Variants in MMP3 observed in about 807,000 individuals in gnomAD.
MMP3 encodes stromelysin-1.
A neutral mutation model predicts 47.3 loss-of-function variants in MMP3; 46 were observed. That is an observed-to-expected ratio of 0.97 (90% CI 0.77 to 1.24). The LOEUF (loss-of-function observed/expected upper bound fraction) is 1.24, where lower values mean the gene tolerates loss of function less well. Among genes scored for constraint, MMP3 ranks in the 50% most tolerant of loss-of-function variants. MMP3 has a pLI of 0.00. For synonymous variants in MMP3, 216 were observed against 206.5 expected (o/e 1.05, Z -0.39); for missense variants, 558 against 565.5 (o/e 0.99, Z 0.13).
At chr11:102,839,081 A>C (rs377158406) in intron 7 of MMP3, 29 bp downstream of exon 7, 140 of 1,596,388 alleles carry the variant, frequency 8.8e-5, no homozygotes, top group Non-Finnish European at 1.2e-4. Context: ...TACTTTGGCA[A>C]GTTAAACAAA....
chr11:102,838,106 C>T (rs1021782771), intron 8 of MMP3, among the ~76,000 whole-genome samples: 1 of 152,094 alleles, frequency 6.6e-6, no homozygotes, highest in South Asian at 2.1e-4. Flanking sequence ...AACAAACACA[C>T]AATGAGACAG....
At chr11:102,839,543 C>T (rs550113087) in intron 6 of MMP3, among the ~76,000 whole-genome samples, 30 of 152,258 alleles carry the variant, frequency 2.0e-4, no homozygotes, top group East Asian at 1.7e-3. Flanking sequence ...CAAAACAGTG[C>T]GTGTGCTATA....
At chr11:102,838,518 G>C (rs782776609) in intron 8 of MMP3, 33 bp downstream of exon 8, 2 of 1,596,172 alleles carry the variant, frequency 1.3e-6, no homozygotes, top group South Asian at 1.1e-5. Context: ...CCCTAATTAG[G>C]CTCCATACAA....
At position 102,842,546 on chromosome 11, in the gene MMP3, A is replaced by G. The variant is rs782818059; in HGVS notation, c.384T>C (p.Asp128=). ...IVNYTPDLPK[D]AVDSAVEKAL... ...CTTTCTCAACAGCAGAATCAACAGCATCTTTTGGCAAATCTGGTGTATAAT... is the reference window on the plus strand; with the variant it reads ...CTTTCTCAACAGCAGAATCAACAGCGTCTTTTGGCAAATCTGGTGTATAAT... The change falls in exon 3 of 10, where the codon GAT becomes GAC. Residue 128 remains aspartate (D), a synonymous_variant. Coordinates refer to ENST00000299855, the MANE Select transcript of MMP3 (RefSeq NM_002422.5). 1 of 1,613,422 alleles carries G rather than the reference A, an allele frequency of 6.2e-7. No homozygotes were observed. The highest frequency in any genetic ancestry group is 1.1e-5 in the South Asian group (1 of 91,048).
rs1555005193 is a variant in MMP3 at position 102,840,111 on chromosome 11, T to C, written c.932A>G (p.Asp311Gly). The C allele has an allele frequency of 1.2e-6, 2 of 1,611,638 alleles. No individual in the cohort carries two copies. Among genetic ancestry groups the C allele is most frequent in the African/African-American group, 1.3e-5 (1 of 74,802 alleles). ...AAATATAATTTTTCAGCCTGACCTG[T>C]CTTTAAAGATCAGGATTTCTCCCCT... ...TLRGEILIFK[D>G]RHFWRKSLRK... The change falls in exon 6 of 10, where the codon GAC (aspartate) becomes GGC (glycine). Residue 311 changes from aspartate to glycine, a missense_variant. Coordinates refer to ENST00000299855, the MANE Select transcript of MMP3 (RefSeq NM_002422.5).
At position 102,837,895 on chromosome 11, in the gene MMP3, A is replaced by G. The variant is rs1719567926; in HGVS notation, c.1230-494T>C. Among the ~76,000 whole-genome samples the G allele has an allele frequency of 6.6e-6, 1 of 152,176 alleles. No homozygotes were observed. Among genetic ancestry groups the G allele is most frequent in the Non-Finnish European group, 1.5e-5 (1 of 68,036 alleles). On this transcript the variant is annotated intron_variant, in intron 8 of 9. Coordinates refer to ENST00000299855, the MANE Select transcript of MMP3 (RefSeq NM_002422.5). This position sits in a 1 kb window ranked among gnomAD's most constrained non-coding sequence, Gnocchi z 4.4. ...TGTGTTTTTAGCCCATTGGCTGGAT[A>G]TCAGATGGTCGGCCTCGATGTCTCA...
At position 102,842,841 on chromosome 11, in the gene MMP3, C is replaced by A. The variant is rs554448579; in HGVS notation, c.181G>T (p.Val61Phe). 2 of 1,613,774 alleles carry A rather than the reference C, an allele frequency of 1.2e-6. No individual in the cohort carries two copies. Among genetic ancestry groups the A allele is most frequent in the African/African-American group, 1.3e-5 (1 of 75,030 alleles). The change falls in exon 2 of 10, where the codon GTT (valine) becomes TTT (phenylalanine). Residue 61 changes from valine (V) to phenylalanine (F), a missense_variant. Physicochemically the swap from Val to Phe is conservative, Grantham distance 50. Transcript: ENST00000299855. ...FVRRKDSGPV[V>F]KKIREMQKFL... ...TTCTGCATTTCTCGGATTTTTTTAA[C>A]AACAGGACCACTGTCCTTTCTCCTA...
rs1478357610 is a variant in MMP3, at chr11:102,837,128, A to T, written c.1333+170T>A. ...TTATCTTTATGGTTCCAAACAAGTT[A>T]TTTTGTGAAGTAGTTCTATAATGAG... On this transcript the variant is annotated intron_variant, in intron 9 of 9. Coordinates refer to ENST00000299855, the MANE Select transcript of MMP3 (RefSeq NM_002422.5). The surrounding 1 kb of genome is among the most constrained non-coding windows in gnomAD (Gnocchi z 4.4). Among the ~76,000 whole-genome samples, 1 of 152,214 alleles carries T rather than the reference A, an allele frequency of 6.6e-6. No homozygotes were observed. The highest frequency in any genetic ancestry group is 2.4e-5 in the African/African-American group (1 of 41,454).
At chr11:102,839,505 C>G (rs895028992) in intron 6 of MMP3, among the ~76,000 whole-genome samples, 2 of 152,178 alleles carry the variant, frequency 1.3e-5, no homozygotes, top group East Asian at 3.8e-4. Flanking sequence ...ATTAGCCCAG[C>G]ATAAGCTTTA....
intron 1 of MMP3, 152 bp downstream of exon 1, chr11:102,843,290 C>G (rs1417036584): frequency 1.6e-6 from 1 of 636,482 alleles, no homozygotes; most frequent in South Asian, 1.9e-5. Context: ...GATAATGAGA[C>G]CTTTTCCACT....
chr11:102,839,213 A>G lies in MMP3; in HGVS notation c.966T>C (p.Leu322=), dbSNP rs782517020. ...AAGAGATCAAATGCAATTCAGGTTCAAGCTTCCTGAGGGATTTGCGCCAAA... is the reference window on the plus strand; with the variant it reads ...AAGAGATCAAATGCAATTCAGGTTCGAGCTTCCTGAGGGATTTGCGCCAAA... ...RHFWRKSLRK[L]EPELHLISSF... Residue 322 remains leucine, a synonymous_variant, in exon 7 of 10, where the codon CTT becomes CTC. Transcript: ENST00000299855. 4.3e-6 allele frequency: 7 copies of G among 1,614,110 alleles called. No individual in the cohort carries two copies. In the African/African-American group the frequency reaches 5.3e-5, roughly 12 times the overall value.
chr11:102,842,073 C>G, intron 4 of MMP3, 81 bp downstream of exon 4: 1 of 1,341,812 alleles, frequency 7.5e-7, no homozygotes, highest in African/African-American at 1.5e-5. Context: ...CATCTCATTT[C>G]TTGAGCATTC....
In MMP3 at chr11:102,842,146, T is replaced by A. The variant is rs374413377; in HGVS notation, c.625+8A>T. ...TGCCAAAATCATTCTGAGAGATGTG[T>A]AACTAACCTGTTGTATCCTTTGTCC... On this transcript the variant is annotated splice_region_variant and intron_variant, in intron 4 of 9. Coordinates refer to ENST00000299855, the MANE Select transcript of MMP3 (RefSeq NM_002422.5). 6.4e-7 allele frequency: 1 copy of A among 1,562,960 alleles called. No homozygotes were observed. The highest frequency in any genetic ancestry group is 1.4e-5 in the African/African-American group (1 of 73,062).
intron 5 of MMP3, 77 bp downstream of exon 5, chr11:102,840,352 T>G (rs1258610002): frequency 6.3e-7 from 1 of 1,588,538 alleles, no homozygotes; most frequent in Non-Finnish European, 8.6e-7. Flanking sequence ...TCATAAATAC[T>G]TTATGTAGCA....
chr11:102,843,179 C>CCCAGTGCT (rs1256568525), intron 1 of MMP3, among the ~76,000 whole-genome samples: 2 of 151,912 alleles, frequency 1.3e-5, no homozygotes, highest in East Asian at 3.9e-4. Flanking sequence ...TGCCTTAAGC[C>CCCAGTGCT]CCAGTGCTGC....
In MMP3 at chr11:102,840,161, CA is replaced by C; in HGVS notation, c.881del (p.Leu294CysfsTer9). The C allele has an allele frequency of 6.2e-7, 1 of 1,614,010 alleles. No homozygotes were observed. Among genetic ancestry groups the C allele is most frequent in the Non-Finnish European group, 8.5e-7 (1 of 1,179,996 alleles). ...TCAGAGTGCTGACAGCATCAAAGGACAAAGCAGGATCACAGTTGGCTGGCGT... is the reference window on the plus strand; with the variant it reads ...TCAGAGTGCTGACAGCATCAAAGGACAAGCAGGATCACAGTTGGCTGGCGT... ...PGTPANCDPA[L>X]SFDAVSTLRG... On this transcript the variant is annotated frameshift_variant, in exon 6 of 10. Transcript: ENST00000299855. LOFTEE classifies it high-confidence loss of function.
At position 102,836,696 on chromosome 11, in the gene MMP3, G is replaced by A; in HGVS notation, c.1334-470C>T. The A allele has an allele frequency of 2.5e-6, 1 of 393,256 alleles. No homozygotes were observed. The highest frequency in any genetic ancestry group is 5.2e-6 in the Non-Finnish European group (1 of 192,510). 24.4% of individuals were successfully genotyped at this position (393,256 alleles called of 1,614,324 possible). ...GCACAGCAACTATTTCAAAACACCA[G>A]GGGACCCTTTAGTGCTCTGCAAACA... On this transcript the variant is annotated intron_variant, in intron 9 of 9. Coordinates refer to ENST00000299855, the MANE Select transcript of MMP3 (RefSeq NM_002422.5). The surrounding 1 kb of genome is among the most constrained non-coding windows in gnomAD (Gnocchi z 4.6).
Position 102,842,702 on chromosome 11 carries a change from G to A in MMP3, c.320C>T (p.Pro107Leu), listed in dbSNP as rs151123532. The change falls in exon 2 of 10, where the codon CCG becomes CTG. Residue 107 changes from proline to leucine, a missense_variant. Coordinates refer to ENST00000299855, the MANE Select transcript of MMP3 (RefSeq NM_002422.5). Reference protein sequence around the residue: ...VGHFRTFPGIPKWRKTHLTYR... With the variant: ...VGHFRTFPGILKWRKTHLTYR... ...TGTAAGGTGGGTTTTCCTCCACTTCGGGATGCCAGGAAAGGTTCTGAAGTG... is the reference window on the plus strand; with the variant it reads ...TGTAAGGTGGGTTTTCCTCCACTTCAGGATGCCAGGAAAGGTTCTGAAGTG... The A allele has an allele frequency of 2.4e-5, 38 of 1,613,816 alleles. No individual in the cohort carries two copies. In the African/African-American group the frequency reaches 2.4e-4, roughly 10 times the overall value.
Position 102,842,191 on chromosome 11 carries a change from G to T in MMP3, c.588C>A (p.His196Gln). The T allele has an allele frequency of 6.2e-7, 1 of 1,611,510 alleles. No homozygotes were observed. Among genetic ancestry groups the T allele is most frequent in the Non-Finnish European group, 8.5e-7 (1 of 1,178,718 alleles). ...TTGTCCATTGTTCATCATCATCAAA[G>T]TGGGCATCTCCATTAATCCCTGGCC... ...APGPGINGDA[H>Q]FDDDEQWTKD... The change falls in exon 4 of 10, where the codon CAC becomes CAA. Residue 196 changes from histidine (H) to glutamine (Q), a missense_variant. Transcript: ENST00000299855.
Sources: allele counts gnomAD v4.1 joint callset (sites outside exome capture counted in the v4.1 genomes callset), GRCh38; gene constraint gnomAD v4.1.1; non-coding constraint Gnocchi (gnomAD v3.1); transcripts MANE v1.5; gene names NCBI Gene and HGNC (gene_info 2026-07-23, HGNC 2026-07-21).